Variants in MAML2 observed in about 807,000 individuals in gnomAD.
The protein encoded by MAML2 is mastermind like transcriptional coactivator 2, also known as mastermind-like protein 2.
A neutral mutation model predicts 96.1 loss-of-function variants in MAML2; 22 were observed. The observed-to-expected ratio is 0.23, with a 90% CI of 0.16 to 0.33. The LOEUF is 0.33. MAML2 is among the 10% of genes least tolerant of loss of function. MAML2 has a pLI of 1.00. For synonymous variants in MAML2, 561 were observed against 521.3 expected, an observed-to-expected ratio of 1.08 and a Z score of -1.04; for missense variants, 1,367 against 1,392.4, an observed-to-expected ratio of 0.98 and a Z score of 0.29.
At chr11:96,075,983 C>G (rs1859428219) in intron 2 of MAML2, among the ~76,000 whole-genome samples, 1 of 152,298 alleles carries the variant, frequency 6.6e-6, no homozygotes, top group Non-Finnish European at 1.5e-5. Flanking sequence ...TTGGGTGGCC[C>G]TGCTTTGTGG....
chr11:96,051,307 C>A (rs1449445118), intron 2 of MAML2, among the ~76,000 whole-genome samples: 1 of 152,108 alleles, frequency 6.6e-6, no homozygotes, highest in Non-Finnish European at 1.5e-5. Flanking sequence ...ATATATTGAT[C>A]ATTAGTAATA....
At chr11:96,049,482 T>C (rs984563369) in intron 2 of MAML2, among the ~76,000 whole-genome samples, 11 of 152,172 alleles carry the variant, frequency 7.2e-5, no homozygotes, top group African/African-American at 2.7e-4. Flanking sequence ...TTAATAGAAA[T>C]AATGCATAGT....
intron 2 of MAML2, among the ~76,000 whole-genome samples, chr11:96,034,408 AGT>A (rs5793773): frequency 2.0e-4 from 25 of 126,724 alleles, no homozygotes; most frequent in African/African-American, 5.0e-4. Context: ...AATACTTTGA[AGT>A]GTGTGTGTGT....
At chr11:96,223,841 G>C (rs1324333590) in intron 1 of MAML2, among the ~76,000 whole-genome samples, 2 of 152,082 alleles carry the variant, frequency 1.3e-5, no homozygotes, top group East Asian at 3.8e-4. Context: ...CCCAAGCTAT[G>C]GAATGTACTC....
At chr11:96,109,797 G>A (rs189586742) in intron 1 of MAML2, among the ~76,000 whole-genome samples, 18 of 152,296 alleles carry the variant, frequency 1.2e-4, no homozygotes, top group Admixed American at 6.5e-4. Flanking sequence ...GACATCCCCT[G>A]CTAGTGAGAT....
intron 1 of MAML2, among the ~76,000 whole-genome samples, chr11:96,215,468 T>C (rs946595080): frequency 6.6e-6 from 1 of 152,238 alleles, no homozygotes; most frequent in African/African-American, 2.4e-5. Context: ...CTAACACTTC[T>C]AGGGGCAGCT....
intron 2 of MAML2, among the ~76,000 whole-genome samples, chr11:96,086,356 T>C (rs1457310977): frequency 6.6e-6 from 1 of 152,200 alleles, no homozygotes; most frequent in African/African-American, 2.4e-5. Context: ...GAATGGATGA[T>C]GTTAAAGAGA....
chr11:96,056,926 T>C (rs1482666631), intron 2 of MAML2, among the ~76,000 whole-genome samples: 1 of 152,234 alleles, frequency 6.6e-6, no homozygotes, highest in Non-Finnish European at 1.5e-5. Context: ...ATGTTAATTG[T>C]ATTCTAAGAA....
At chr11:96,308,767 C>T (rs911151517) in intron 1 of MAML2, among the ~76,000 whole-genome samples, 2 of 152,100 alleles carry the variant, frequency 1.3e-5, no homozygotes, top group Non-Finnish European at 2.9e-5. Context: ...AGTTTGTTTG[C>T]TTGTTTCTTA....
chr11:96,038,201 GA>G (rs146477385), intron 2 of MAML2, among the ~76,000 whole-genome samples: 13,958 of 152,202 alleles, frequency 0.092, 930 homozygotes, highest in East Asian at 0.26. Flanking sequence ...TATGGGAAAG[GA>G]AGGTTGTGGT....
chr11:96,044,071 T>C (rs949720697), intron 2 of MAML2, among the ~76,000 whole-genome samples: 1 of 152,182 alleles, frequency 6.6e-6, no homozygotes, highest in Admixed American at 6.5e-5. Context: ...ACACCTTGTA[T>C]GAAGGTTACA....
intron 1 of MAML2, among the ~76,000 whole-genome samples, chr11:96,198,321 T>C (rs479825): frequency 0.41 from 62,642 of 152,052 alleles, 13,142 homozygotes; most frequent in Middle Eastern, 0.51. Flanking sequence ...TTAGGCTCAC[T>C]GATTTGGGGC....
intron 1 of MAML2, among the ~76,000 whole-genome samples, chr11:96,131,928 T>C (rs2135856712): frequency 6.6e-6 from 1 of 152,304 alleles, no homozygotes; most frequent in East Asian, 1.9e-4. Context: ...GAGAATCTCT[T>C]GAACCCAGGA....
At chr11:96,183,674 T>A (rs1247805491) in intron 1 of MAML2, among the ~76,000 whole-genome samples, 2 of 151,626 alleles carry the variant, frequency 1.3e-5, no homozygotes. Context: ...CCTCCCAAAG[T>A]GCTAGGATTA....
chr11:96,239,879 G>A (rs1862409715), intron 1 of MAML2, among the ~76,000 whole-genome samples: 1 of 152,212 alleles, frequency 6.6e-6, no homozygotes, highest in Admixed American at 6.5e-5. Flanking sequence ...GTGGTGACCT[G>A]TCCATGTCTT....
intron 1 of MAML2, among the ~76,000 whole-genome samples, chr11:96,193,132 G>T (rs1197113478): frequency 6.6e-6 from 1 of 152,204 alleles, no homozygotes; most frequent in Non-Finnish European, 1.5e-5. Flanking sequence ...ACTTTGGGAG[G>T]CTGAGGTGGG....
chr11:96,106,980 C>CTT lies in MAML2; in HGVS notation c.514-13465_514-13464dup, dbSNP rs71040129. 6.0e-4 allele frequency among the ~76,000 whole-genome samples: 54 copies of CTT among 90,320 alleles called. 2 individuals are homozygous for CTT. Among genetic ancestry groups the CTT allele is most frequent in the African/African-American group, 8.7e-4 (21 of 24,134 alleles). 59.3% of individuals were successfully genotyped at this position (90,320 alleles called of 152,430 possible). A position where few individuals can be genotyped will look rare whatever the true frequency, so the allele number is the denominator to read the frequency against. On this transcript the variant is annotated intron_variant, in intron 1 of 4. Coordinates refer to ENST00000524717, the MANE Select transcript of MAML2 (RefSeq NM_032427.4). ...TGCCATTGTAACTATGAAAAGAGTCCTTTTTTTTTTTTTGACCAGTGTATT... is the reference window on the plus strand; with the variant it reads ...TGCCATTGTAACTATGAAAAGAGTCCTTTTTTTTTTTTTTTGACCAGTGTATT...
chr11:96,063,889 T>C (rs76769782), intron 2 of MAML2, among the ~76,000 whole-genome samples: 2,345 of 152,348 alleles, frequency 0.015, 48 homozygotes, highest in African/African-American at 0.051. Flanking sequence ...TGATACGATG[T>C]CTGCAGGACT....
chr11:96,191,842 C>G (rs1429552632), intron 1 of MAML2, among the ~76,000 whole-genome samples: 2 of 151,002 alleles, frequency 1.3e-5, no homozygotes, highest in African/African-American at 4.9e-5. Flanking sequence ...GTTCAGCTAA[C>G]TGGATGTAGA....
Sources: gnomAD v4.1 joint callset for allele counts (sites outside exome capture counted in the v4.1 genomes callset) on GRCh38, gnomAD v4.1.1 for gene constraint, MANE v1.5 for transcripts, NCBI Gene and HGNC (gene_info 2026-07-23, HGNC 2026-07-21) for gene names.